ANKRD36B: variants seen among roughly 807,000 people sequenced by gnomAD.
ANKRD36B encodes ankyrin repeat domain-containing protein 36B.
A neutral mutation model predicts 135.7 loss-of-function variants in ANKRD36B; 37 were observed. The observed-to-expected ratio is 0.27, with a 90% CI of 0.21 to 0.36. ANKRD36B has a LOEUF of 0.36. ANKRD36B is among the 10% of genes least tolerant of loss of function. The probability of loss-of-function intolerance (pLI) is 1.00; values close to 1 mark genes in which losing one functional copy is unlikely to be tolerated. For synonymous variants in ANKRD36B, 179 were observed against 348.1 expected, an observed-to-expected ratio of 0.51 and a Z score of 5.41; for missense variants, 549 against 1,037.1, an observed-to-expected ratio of 0.53 and a Z score of 6.46.
intron 8 of ANKRD36B, among the ~76,000 whole-genome samples, chr2:97,560,368 C>T (rs1332846194): frequency 6.6e-6 from 1 of 151,838 alleles, no homozygotes; most frequent in African/African-American, 2.4e-5. Flanking sequence ...TTGATGGAAA[C>T]ATGCTGTAAA....
rs1428344177 is a variant in ANKRD36B, at chr2:97,545,622, T to C, written c.1681+44A>G. The C allele has an allele frequency of 7.9e-6, 7 of 891,082 alleles. 1 individual carries two copies. In the East Asian group the frequency reaches 1.9e-4, roughly 24 times the overall value. The allele number at this position is 891,082 out of a possible 1,614,324, so 55.2% of individuals were successfully genotyped here. A position where few individuals can be genotyped will look rare whatever the true frequency, so the allele number is the denominator to read the frequency against. The stretch of plus-strand genomic sequence containing the variant: ...TTTATTTGGTGAAGAGAAGATCTCT[T>C]CTATCTTGAACGAACATCATATTAA... On this transcript the variant is annotated intron_variant, in intron 24 of 43. Coordinates refer to ENST00000359901, the MANE Select transcript of ANKRD36B (RefSeq NM_001393939.1).
At position 97,531,021 on chromosome 2, in the gene ANKRD36B, A is replaced by G. The variant is rs1340838160; in HGVS notation, c.2265+1290T>C. 3.1e-5 allele frequency among the ~76,000 whole-genome samples: 3 copies of G among 95,658 alleles called. 1 individual carries two copies. Among genetic ancestry groups the G allele is most frequent in the African/African-American group, 9.4e-5 (3 of 31,882 alleles). 62.8% of individuals were successfully genotyped at this position (95,658 alleles called of 152,430 possible). On this transcript the variant is annotated intron_variant, in intron 35 of 43. Coordinates refer to ENST00000359901, the MANE Select transcript of ANKRD36B (RefSeq NM_001393939.1). ...GGTGATTCCTCAGGGATCTAGAACT[A>G]GAAATACCATTTGACCCTGCCATCC... is the stretch of plus-strand genomic sequence containing the variant.
Position 97,556,120 on chromosome 2 carries a change from T to C in ANKRD36B, c.1069+817A>G, listed in dbSNP as rs540440266. Among the ~76,000 whole-genome samples the C allele has an allele frequency of 6.6e-5, 10 of 152,018 alleles. No homozygotes were observed. In the South Asian group the frequency reaches 2.1e-3, roughly 32 times the overall value. On this transcript the variant is annotated intron_variant, in intron 12 of 43. Coordinates refer to ENST00000359901, the MANE Select transcript of ANKRD36B (RefSeq NM_001393939.1). ...AGTCTACTCTGGAATATCATTGTAT[T>C]ATAAAGAATTTTCACTAAATAGCTA...
intron 18 of ANKRD36B, among the ~76,000 whole-genome samples, chr2:97,550,599 A>T (rs560050603): frequency 1.9e-4 from 29 of 151,954 alleles, no homozygotes; most frequent in African/African-American, 5.5e-4. Flanking sequence ...TAAAATCAAC[A>T]AAACATGTAT....
intron 4 of ANKRD36B, among the ~76,000 whole-genome samples, chr2:97,579,707 GTTACA>G (rs2082487059): frequency 1.1e-5 from 1 of 93,790 alleles, no homozygotes; most frequent in Non-Finnish European, 2.4e-5. Context: ...TATGATGTTA[GTTACA>G]TTATATTCTT....
At chr2:97,566,365 A>G (rs756863108) in intron 6 of ANKRD36B, among the ~76,000 whole-genome samples, 3 of 152,022 alleles carry the variant, frequency 2.0e-5, no homozygotes, top group Admixed American at 6.6e-5. Flanking sequence ...CTTAGACCTT[A>G]TAGGAAAAAA....
chr2:97,585,344 C>T lies in ANKRD36B; in HGVS notation c.216G>A (p.Leu72=), dbSNP rs1470678405. The change falls in exon 2 of 44, where the codon CTG becomes CTA. Residue 72 remains leucine, a synonymous_variant. Transcript: ENST00000359901. ...ATGQPEMVHL[L]VSRRCELNLC... is the part of the protein sequence containing the mutation. The stretch of plus-strand genomic sequence containing the variant: ...GGTTAAGCTCACATCTTCTGGACAC[C>T]AGGAGATGTACCATTTCCGGTTGGC... The T allele has an allele frequency of 4.5e-6, 7 of 1,571,534 alleles. No homozygotes were observed. Among genetic ancestry groups the T allele is most frequent in the Non-Finnish European group, 5.2e-6 (6 of 1,156,706 alleles).
In ANKRD36B at chr2:97,533,286, G is replaced by A. The variant is rs1051187649; in HGVS notation, c.2192-902C>T. Reference sequence around the variant, plus strand: ...CATATGTAGTTAAGGTTTCAAAAGTGAGATTATGTCTCAACTAACTATAAC... The same window carrying A: ...CATATGTAGTTAAGGTTTCAAAAGTAAGATTATGTCTCAACTAACTATAAC... On this transcript the variant is annotated intron_variant, in intron 34 of 43. Transcript: ENST00000359901. Among the ~76,000 whole-genome samples the A allele has an allele frequency of 3.1e-5, 3 of 97,090 alleles. 1 individual carries two copies. Among genetic ancestry groups the A allele is most frequent in the African/African-American group, 9.3e-5 (3 of 32,376 alleles). The allele number at this position is 97,090 out of a possible 152,430, so 63.7% of individuals were successfully genotyped here. A position where few individuals can be genotyped will look rare whatever the true frequency, so the allele number is the denominator to read the frequency against.
In ANKRD36B at chr2:97,535,932, G is replaced by A. The variant is rs2104493929; in HGVS notation, c.2191+368C>T. Among the ~76,000 whole-genome samples, 2 of 93,204 alleles carry A rather than the reference G, an allele frequency of 2.1e-5. 1 individual carries two copies. Among genetic ancestry groups the A allele is most frequent in the Admixed American group, 1.9e-4 (2 of 10,318 alleles). 61.1% of individuals were successfully genotyped at this position (93,204 alleles called of 152,430 possible). A position where few individuals can be genotyped will look rare whatever the true frequency, so the allele number is the denominator to read the frequency against. On this transcript the variant is annotated intron_variant, in intron 34 of 43. Coordinates refer to ENST00000359901, the MANE Select transcript of ANKRD36B (RefSeq NM_001393939.1). ...AATACAAAATTAGCCGGGCATGGTG[G>A]GGCATACCTGTAATCCCAGCTACTC...
At position 97,556,929 on chromosome 2, in the gene ANKRD36B, C is replaced by T. The variant is rs768909748; in HGVS notation, c.1069+8G>A. On this transcript the variant is annotated splice_region_variant and intron_variant, in intron 12 of 43. Transcript: ENST00000359901. ...GCACATGACATTAAATGTGTATTGC[C>T]AAATTACCTGTTCCAGATTTCCCAC... 48 of 1,581,560 alleles carry T rather than the reference C, an allele frequency of 3.0e-5. No individual in the cohort carries two copies. Among genetic ancestry groups the T allele is most frequent in the Non-Finnish European group, 2.0e-5 (23 of 1,163,680 alleles).
intron 43 of ANKRD36B, among the ~76,000 whole-genome samples, chr2:97,493,599 GAA>G (rs140311028): frequency 0.074 from 265 of 3,596 alleles, 2 homozygotes; most frequent in Middle Eastern, 0.19. Context: ...GACACTGAAA[GAA>G]AAGAGAAACC....
chr2:97,553,557 T>C lies in ANKRD36B; in HGVS notation c.1172-186A>G, dbSNP rs868783584. 2.9e-4 allele frequency among the ~76,000 whole-genome samples: 44 copies of C among 152,052 alleles called. No homozygotes were observed. The East Asian group carries it at 8.2e-3, about 28-fold the overall frequency. On this transcript the variant is annotated intron_variant, in intron 14 of 43. Coordinates refer to ENST00000359901, the MANE Select transcript of ANKRD36B (RefSeq NM_001393939.1). ...ACTAAAGAAAACAGAAATAGATGTG[T>C]CACGATACATTCCTAACTATTTCAA... is the stretch of plus-strand genomic sequence containing the variant.
chr2:97,558,418 G>A (rs1293444149), intron 10 of ANKRD36B, among the ~76,000 whole-genome samples: 2 of 151,804 alleles, frequency 1.3e-5, no homozygotes, highest in African/African-American at 2.4e-5. Context: ...GTGTTTATGG[G>A]CTATTACCAT....
chr2:97,567,440 G>C (rs1037014559), intron 6 of ANKRD36B, among the ~76,000 whole-genome samples: 3 of 151,818 alleles, frequency 2.0e-5, no homozygotes, highest in African/African-American at 7.3e-5. Context: ...TCACTATGAT[G>C]ATGAGCCCCA....
chr2:97,547,426 T>A, intron 22 of ANKRD36B, 110 bp downstream of exon 22: 1 of 1,156,678 alleles, frequency 8.6e-7, no homozygotes, highest in Non-Finnish European at 1.2e-6. Flanking sequence ...ATCTCAGGAC[T>A]GCTGAATCAG....
intron 6 of ANKRD36B, among the ~76,000 whole-genome samples, chr2:97,562,202 A>G (rs2081086336): frequency 6.7e-6 from 1 of 148,856 alleles, no homozygotes; most frequent in Non-Finnish European, 1.5e-5. Context: ...CTAAATCACT[A>G]GAGACTTCTT....
At chr2:97,562,600 T>C (rs529181097) in intron 6 of ANKRD36B, among the ~76,000 whole-genome samples, 146 of 152,142 alleles carry the variant, frequency 9.6e-4, no homozygotes, top group African/African-American at 3.4e-3. Flanking sequence ...CCTCACTAGC[T>C]GCTTTCTTTG....
chr2:97,527,224 A>G lies in ANKRD36B; in HGVS notation c.2266-3757T>C, dbSNP rs1363891237. Among the ~76,000 whole-genome samples, 7 of 96,394 alleles carry G rather than the reference A, an allele frequency of 7.3e-5. 3 individuals carry two copies. Among genetic ancestry groups the G allele is most frequent in the South Asian group, 2.4e-4 (1 of 4,246 alleles). 63.2% of individuals were successfully genotyped at this position (96,394 alleles called of 152,430 possible). A position where few individuals can be genotyped will look rare whatever the true frequency, so the allele number is the denominator to read the frequency against. ...GGATCTCTCGGCAGAAACTCTACAA[A>G]CCAGAAGAGAGTGGGGGCCAATATT... On this transcript the variant is annotated intron_variant, in intron 35 of 43. Coordinates refer to ENST00000359901, the MANE Select transcript of ANKRD36B (RefSeq NM_001393939.1).
chr2:97,561,867 T>C (rs549634522), intron 6 of ANKRD36B, among the ~76,000 whole-genome samples: 52 of 152,056 alleles, frequency 3.4e-4, no homozygotes, highest in African/African-American at 1.1e-3. Context: ...TGGTGCCCAA[T>C]GGTAACAAAG....
Sources: allele counts gnomAD v4.1 joint callset (sites outside exome capture counted in the v4.1 genomes callset), GRCh38; gene constraint gnomAD v4.1.1; transcripts MANE v1.5; gene names NCBI Gene and HGNC (gene_info 2026-07-23, HGNC 2026-07-21).